The following TPD52L1 variants were observed in gnomAD, a reference collection of about 807,000 sequenced individuals.
TPD52L1 encodes the protein tumor protein D53.
A neutral mutation model predicts 28.7 loss-of-function variants in TPD52L1; 18 were observed. The observed-to-expected ratio is 0.63, with a 90% CI of 0.43 to 0.93. The LOEUF is 0.93. TPD52L1 is among the 40% of genes least tolerant of loss of function. The pLI, the probability that TPD52L1 is intolerant of heterozygous loss-of-function variation, is 0.00. For missense variants in TPD52L1, 203 were observed against 254.8 expected (o/e 0.80, Z 1.39); for synonymous variants, 75 against 88.8 (o/e 0.84, Z 0.88).
chr6:125,211,120 G>C (rs1180078560), intron 1 of TPD52L1, among the ~76,000 whole-genome samples: 3 of 152,096 alleles, frequency 2.0e-5, no homozygotes, highest in Non-Finnish European at 4.4e-5. Context: ...GAGGAAACTA[G>C]CTCTAAATAA....
At chr6:125,203,002 G>GTGATCCACCCACCTTGGCTTC (rs1793889651) in intron 1 of TPD52L1, among the ~76,000 whole-genome samples, 2 of 151,956 alleles carry the variant, frequency 1.3e-5, no homozygotes, top group African/African-American at 4.8e-5. Flanking sequence ...CTGACCTCAG[G>GTGATCCACCCACCTTGGCTTC]TGATCCACCC....
At chr6:125,201,716 T>G (rs1020071561) in intron 1 of TPD52L1, among the ~76,000 whole-genome samples, 3 of 152,218 alleles carry the variant, frequency 2.0e-5, no homozygotes, top group Non-Finnish European at 2.9e-5. Flanking sequence ...CTATTGCTAG[T>G]GAGGATAAGT....
chr6:125,165,085 G>A (rs375861435), intron 1 of TPD52L1, among the ~76,000 whole-genome samples: 15 of 46,768 alleles, frequency 3.2e-4, no homozygotes, highest in South Asian at 3.0e-3. Context: ...TTAAAAAAAA[G>A]ATATATATAT....
chr6:125,177,574 T>C (rs1158820323), intron 1 of TPD52L1, among the ~76,000 whole-genome samples: 1 of 152,212 alleles, frequency 6.6e-6, no homozygotes, highest in African/African-American at 2.4e-5. Context: ...GTTTTCTTAC[T>C]ACAGCCCTGT....
chr6:125,181,401 C>G (rs191421432), intron 1 of TPD52L1, among the ~76,000 whole-genome samples: 1 of 151,990 alleles, frequency 6.6e-6, no homozygotes, highest in Non-Finnish European at 1.5e-5. Flanking sequence ...AGGGGTTTGG[C>G]GATGGTGTCA....
At chr6:125,217,426 G>A (rs1794957154) in intron 1 of TPD52L1, among the ~76,000 whole-genome samples, 1 of 152,166 alleles carries the variant, frequency 6.6e-6, no homozygotes, top group Non-Finnish European at 1.5e-5. Flanking sequence ...AGATCATCAG[G>A]CACTAGATTC....
intron 1 of TPD52L1, among the ~76,000 whole-genome samples, chr6:125,184,402 T>C (rs950264716): frequency 2.6e-5 from 4 of 152,150 alleles, no homozygotes; most frequent in Non-Finnish European, 5.9e-5. Flanking sequence ...TGCTTGACTG[T>C]AGGAACAGCA....
chr6:125,255,449 A>G (rs1797538574), intron 5 of TPD52L1, among the ~76,000 whole-genome samples: 1 of 152,136 alleles, frequency 6.6e-6, no homozygotes, highest in African/African-American at 2.4e-5. Flanking sequence ...ACGGAGGATC[A>G]CTCATAGGAA....
In TPD52L1 at chr6:125,169,471, C is replaced by T. The variant is rs567880890; in HGVS notation, c.19+15501C>T. Among the ~76,000 whole-genome samples, 9 of 152,328 alleles carry T rather than the reference C, an allele frequency of 5.9e-5. 1 individual carries two copies. The highest frequency in any genetic ancestry group is 2.2e-4 in the African/African-American group (9 of 41,596). ...TCCTGAGCTCCCTCCTCCAAAATAT[C>T]CCTAGTCCTCCTAAGTTCATCCTCA... is the stretch of plus-strand genomic sequence containing the variant. On this transcript the variant is annotated intron_variant, in intron 1 of 6. Coordinates refer to ENST00000534000, the MANE Select transcript of TPD52L1 (RefSeq NM_003287.4).
chr6:125,167,855 T>TA (rs555392206), intron 1 of TPD52L1, among the ~76,000 whole-genome samples: 1,714 of 138,600 alleles, frequency 0.012, 35 homozygotes, highest in African/African-American at 0.039. Flanking sequence ...AATCTTGTAC[T>TA]AAAAAAAAAA....
intron 1 of TPD52L1, among the ~76,000 whole-genome samples, chr6:125,196,164 T>C (rs1468125675): frequency 6.6e-6 from 1 of 152,218 alleles, no homozygotes; most frequent in Admixed American, 6.5e-5. Context: ...TGGCTCTAAA[T>C]GTATTAATCA....
intron 1 of TPD52L1, among the ~76,000 whole-genome samples, chr6:125,174,850 G>C (rs921959802): frequency 6.6e-6 from 1 of 152,148 alleles, no homozygotes; most frequent in Non-Finnish European, 1.5e-5. Context: ...GCATGGGGAA[G>C]GGTGCATGTC....
In TPD52L1 at chr6:125,262,921, G is replaced by C; in HGVS notation, c.574G>C (p.Gly192Arg). 1 of 1,614,206 alleles carries C rather than the reference G, an allele frequency of 6.2e-7. No individual in the cohort carries two copies. Among genetic ancestry groups the C allele is most frequent in the Non-Finnish European group, 8.5e-7 (1 of 1,180,024 alleles). The change falls in exon 7 of 7, where the codon GGA becomes CGA. Residue 192 changes from glycine (G) to arginine (R), a missense_variant. Gly to Arg is a moderately radical substitution (Grantham distance 125, BLOSUM62 -2). Coordinates refer to ENST00000534000, the MANE Select transcript of TPD52L1 (RefSeq NM_003287.4). ...CCATGCCAGTGCCCAGAGCTTGGCA[G>C]GAGGCTCCCGGCGGACCAAGGAGGA... ...TAHASAQSLA[G>R]GSRRTKEEEL...
intron 1 of TPD52L1, chr6:125,203,677 G>T: frequency 1.0e-6 from 1 of 985,436 alleles, no homozygotes; most frequent in African/African-American, 1.7e-5. Flanking sequence ...CTCAGGTCAG[G>T]AATAAAAGCT....
At chr6:125,204,610 G>C (rs183483755) in intron 1 of TPD52L1, among the ~76,000 whole-genome samples, 3 of 152,102 alleles carry the variant, frequency 2.0e-5, no homozygotes, top group Admixed American at 1.3e-4. Flanking sequence ...CTCCCTAGTA[G>C]CTGGGACTAC....
intron 2 of TPD52L1, among the ~76,000 whole-genome samples, chr6:125,225,237 T>C (rs926431138): frequency 6.6e-6 from 1 of 152,240 alleles, no homozygotes; most frequent in African/African-American, 2.4e-5. Context: ...AATTTGTTTA[T>C]CCATTCATCT....
intron 4 of TPD52L1, 33 bp from the exon 5 acceptor site, chr6:125,253,684 T>C: frequency 6.2e-7 from 1 of 1,604,274 alleles, no homozygotes; most frequent in Non-Finnish European, 8.5e-7. Flanking sequence ...TTCTTTTTTC[T>C]TTTTTCCCCT....
intron 1 of TPD52L1, among the ~76,000 whole-genome samples, chr6:125,184,921 G>A (rs1792490607): frequency 6.6e-6 from 1 of 152,058 alleles, no homozygotes; most frequent in South Asian, 2.1e-4. Context: ...TGTAAAGAAA[G>A]ATTAGGAATG....
intron 1 of TPD52L1, among the ~76,000 whole-genome samples, chr6:125,217,374 A>G (rs918374021): frequency 6.6e-6 from 1 of 152,182 alleles, no homozygotes; most frequent in African/African-American, 2.4e-5. Flanking sequence ...TTGTTTTCTT[A>G]CAACTAGACG....
Sources: allele counts gnomAD v4.1 joint callset (sites outside exome capture counted in the v4.1 genomes callset), GRCh38; gene constraint gnomAD v4.1.1; transcripts MANE v1.5; gene names NCBI Gene and HGNC (gene_info 2026-07-23, HGNC 2026-07-21).